RC3H1: variants seen among roughly 807,000 people sequenced by gnomAD.
The protein encoded by RC3H1 is roquin-1.
RC3H1 carries 50 observed loss-of-function variants against 138.2 expected under a neutral mutation model. The observed-to-expected ratio is 0.36, with a 90% confidence interval of 0.29 to 0.46. RC3H1 has a LOEUF of 0.46. RC3H1 is among the 20% of genes least tolerant of loss of function. The probability of loss-of-function intolerance (pLI) is 1.00; values close to 1 mark genes in which losing one functional copy is unlikely to be tolerated. For synonymous variants in RC3H1, 462 were observed against 489.1 expected, an observed-to-expected ratio of 0.94 and a Z score of 0.73; for missense variants, 1,031 against 1,388.1, an observed-to-expected ratio of 0.74 and a Z score of 4.09.
intron 1 of RC3H1, among the ~76,000 whole-genome samples, chr1:174,000,188 T>C (rs1661538399): frequency 6.6e-6 from 1 of 152,242 alleles, no homozygotes; most frequent in Non-Finnish European, 1.5e-5. Context: ...GTCTTAGTTT[T>C]CAAAAATGTT....
rs142108023 is a variant in RC3H1, at chr1:174,021,293, G to A, written c.-151+803C>T. Among the ~76,000 whole-genome samples the A allele has an allele frequency of 1.1e-3, 169 of 152,136 alleles. 1 individual carries two copies. The highest frequency in any genetic ancestry group is 4.0e-3 in the African/African-American group (166 of 41,502). On this transcript the variant is annotated intron_variant, in intron 1 of 19. Coordinates refer to ENST00000367696, the MANE Select transcript of RC3H1 (RefSeq NM_172071.4). ...CCAGTGTTTGTTTCCAGTTTCATAG[G>A]CTATTCTGGTATGTCAAGAGTTGTG...
rs1658564598 is a variant in RC3H1, at chr1:173,935,931, T to A, written c.*2790A>T. The A allele has an allele frequency of 6.6e-6, 1 of 152,154 alleles. No homozygotes were observed. Among genetic ancestry groups the A allele is most frequent in the African/African-American group, 2.4e-5 (1 of 41,430 alleles). 9.4% of individuals were successfully genotyped at this position (152,154 alleles called of 1,614,324 possible). A position where few individuals can be genotyped will look rare whatever the true frequency, so the allele number is the denominator to read the frequency against. ...GGACCATGGAGGGGTACAGCTTGAA[T>A]TCAGGTTACAATTAAAGAGATTTTT... On this transcript the variant is annotated 3_prime_UTR_variant, in exon 20 of 20. Coordinates refer to ENST00000367696, the MANE Select transcript of RC3H1 (RefSeq NM_172071.4).
At chr1:173,946,875 T>A (rs767110921) in intron 15 of RC3H1, 39 bp from the exon 16 acceptor site, 2 of 1,344,410 alleles carry the variant, frequency 1.5e-6, no homozygotes. Flanking sequence ...ATTCACAGAT[T>A]TGATTCTTCT....
At position 173,952,103 on chromosome 1, in the gene RC3H1, G is replaced by A; in HGVS notation, c.2406C>T (p.Tyr802=). 1 of 1,571,468 alleles carries A rather than the reference G, an allele frequency of 6.4e-7. No homozygotes were observed. Among genetic ancestry groups the A allele is most frequent in the Non-Finnish European group, 8.6e-7 (1 of 1,158,996 alleles). The change falls in exon 14 of 20, where the codon TAC becomes TAT. Residue 802 remains tyrosine (Y), a synonymous_variant. Transcript: ENST00000367696. ...AGTATTGGCTATAATCATTTCCTTT[G>A]TATTTCCCAGCTACCTTCAAGTCTT... is the stretch of plus-strand genomic sequence containing the variant. ...LDEDLKVAGK[Y]KGNDYSQYSP... is the part of the protein sequence containing the mutation.
chr1:173,960,998 T>C (rs1010640419), intron 13 of RC3H1, 79 bp downstream of exon 13: 152 of 1,391,078 alleles, frequency 1.1e-4, no homozygotes, highest in Admixed American at 1.0e-3. Context: ...CTTCACACCA[T>C]TGGGAATAGG....
chr1:173,978,454 T>C (rs935089165), intron 7 of RC3H1, 34 bp downstream of exon 7: 4 of 1,611,002 alleles, frequency 2.5e-6, no homozygotes, highest in Middle Eastern at 1.6e-4. Context: ...GAAAGGCACA[T>C]ATAAGATAGT....
Position 173,957,465 on chromosome 1 carries a change from A to C in RC3H1, c.2370+3612T>G, listed in dbSNP as rs569977856. Among the ~76,000 whole-genome samples, 5 of 152,324 alleles carry C rather than the reference A, an allele frequency of 3.3e-5. No individual in the cohort carries two copies. The South Asian group carries it at 1.0e-3, about 32-fold the overall frequency. Reference sequence around the variant, plus strand: ...TTTTTACAATGTCATATTGTTTTCCATATTTCTTATAAAACAATATGGCAT... The same window carrying C: ...TTTTTACAATGTCATATTGTTTTCCCTATTTCTTATAAAACAATATGGCAT... On this transcript the variant is annotated intron_variant, in intron 13 of 19. Transcript: ENST00000367696.
chr1:173,946,669 G>A, intron 16 of RC3H1, 61 bp from the exon 17 acceptor site: 1 of 1,598,818 alleles, frequency 6.3e-7, no homozygotes. Flanking sequence ...ACATATTACT[G>A]ACCAGAAAAA....
At chr1:174,009,033 G>C (rs1489409587) in intron 1 of RC3H1, among the ~76,000 whole-genome samples, 2 of 149,154 alleles carry the variant, frequency 1.3e-5, no homozygotes, top group Non-Finnish European at 3.0e-5. Context: ...AGCTGCTAAT[G>C]TTAGAGAACC....
At chr1:174,000,417 C>T (rs1216928598) in intron 1 of RC3H1, among the ~76,000 whole-genome samples, 1 of 152,162 alleles carries the variant, frequency 6.6e-6, no homozygotes, top group Admixed American at 6.5e-5. Context: ...CCAGGCACTC[C>T]TCTGAGGCAT....
chr1:173,967,945 T>C (rs1260816432), intron 9 of RC3H1, among the ~76,000 whole-genome samples: 3 of 152,214 alleles, frequency 2.0e-5, no homozygotes, highest in Non-Finnish European at 2.9e-5. Context: ...TATTTAAATC[T>C]CTTATACATC....
At chr1:173,950,161 C>T (rs1571175725) in intron 14 of RC3H1, among the ~76,000 whole-genome samples, 1 of 151,358 alleles carries the variant, frequency 6.6e-6, no homozygotes, top group East Asian at 1.9e-4. Flanking sequence ...GAGTGGAACT[C>T]CGTCTCAAAA....
In RC3H1 at chr1:173,951,546, A is replaced by T. The variant is rs547174465; in HGVS notation, c.2523+440T>A. On this transcript the variant is annotated intron_variant, in intron 14 of 19. Transcript: ENST00000367696. ...TAAACTTCAGAGCTGTGAAAAAAAA[A>T]TTTTTTTTTTTTGAGACGGAGTCTC... Among the ~76,000 whole-genome samples the T allele has an allele frequency of 6.1e-3, 904 of 148,380 alleles. 27 individuals are homozygous for T. The highest frequency in any genetic ancestry group is 0.04 in the Admixed American group (596 of 14,912).
chr1:174,006,061 G>T (rs1232180539), intron 1 of RC3H1, among the ~76,000 whole-genome samples: 3 of 152,244 alleles, frequency 2.0e-5, no homozygotes, highest in South Asian at 4.1e-4. Flanking sequence ...CAGTAAGTTA[G>T]CCAGACATGG....
chr1:173,991,984 G>A (rs759292869), intron 2 of RC3H1, among the ~76,000 whole-genome samples: 3 of 150,920 alleles, frequency 2.0e-5, no homozygotes, highest in Non-Finnish European at 4.4e-5. Flanking sequence ...GTTCCCAAAT[G>A]TTGTGCTATA....
chr1:173,946,914 C>G (rs1234059098), intron 15 of RC3H1, 78 bp from the exon 16 acceptor site: 1 of 945,748 alleles, frequency 1.1e-6, no homozygotes, highest in East Asian at 2.4e-5. Flanking sequence ...TGAAAGACAT[C>G]AGCGTATTGC....
intron 8 of RC3H1, among the ~76,000 whole-genome samples, chr1:173,971,568 A>G (rs1221462795): frequency 6.6e-6 from 1 of 152,176 alleles, no homozygotes; most frequent in Admixed American, 6.5e-5. Flanking sequence ...TATGAGACAC[A>G]ACACTAAACT....
intron 9 of RC3H1, 94 bp from the exon 10 acceptor site, chr1:173,965,214 C>T: frequency 9.0e-7 from 1 of 1,108,974 alleles, no homozygotes; most frequent in South Asian, 1.7e-5. Flanking sequence ...GAAATATTCT[C>T]TCTTGAAACA....
chr1:174,008,624 T>C lies in RC3H1; in HGVS notation c.-151+13472A>G, dbSNP rs370535257. Reference sequence around the variant, plus strand: ...CTATAGCCACAATGTATCTTGTTTATACTGTATTATTATTTTATCTTTATA... The same window carrying C: ...CTATAGCCACAATGTATCTTGTTTACACTGTATTATTATTTTATCTTTATA... On this transcript the variant is annotated intron_variant, in intron 1 of 19. Coordinates refer to ENST00000367696, the MANE Select transcript of RC3H1 (RefSeq NM_172071.4). 5.9e-5 allele frequency among the ~76,000 whole-genome samples: 9 copies of C among 152,312 alleles called. No individual in the cohort carries two copies. In the South Asian group the frequency reaches 1.0e-3, roughly 18 times the overall value.
Sources: gnomAD v4.1 joint callset for allele counts (sites outside exome capture counted in the v4.1 genomes callset) on GRCh38, gnomAD v4.1.1 for gene constraint, MANE v1.5 for transcripts, NCBI Gene and HGNC (gene_info 2026-07-23, HGNC 2026-07-21) for gene names.